The following SAMD5 variants were observed in gnomAD, a reference collection of about 807,000 sequenced individuals.
SAMD5 encodes the protein sterile alpha motif domain containing 5.
In SAMD5, 13 loss-of-function variants were observed where a neutral mutation model predicts 11.3. The ratio of observed to expected loss-of-function variants is 1.15; its 90% CI spans 0.75 to 1.83. The LOEUF (loss-of-function observed/expected upper bound fraction) is 1.83, where lower values mean the gene tolerates loss of function less well. Ranked by LOEUF, SAMD5 falls within the 40% of genes most tolerant of loss-of-function variation. The pLI is 0.00. For synonymous variants in SAMD5, 129 were observed against 111.3 expected (o/e 1.16, Z -1.00); for missense variants, 255 against 239.1 (o/e 1.07, Z -0.44).
chr6:147,645,169 C>T (rs764578856), intron 1 of SAMD5, among the ~76,000 whole-genome samples: 2 of 152,120 alleles, frequency 1.3e-5, no homozygotes, highest in Non-Finnish European at 2.9e-5. Context: ...CACGACAGGA[C>T]ATCTTACTGA....
chr6:147,594,279 T>C (rs1020554099), intron 1 of SAMD5, among the ~76,000 whole-genome samples: 2 of 152,210 alleles, frequency 1.3e-5, no homozygotes, highest in African/African-American at 4.8e-5. Context: ...TCTCGCTCAT[T>C]TGCTTGCTAA....
chr6:147,615,967 G>C (rs6926100), intron 1 of SAMD5, among the ~76,000 whole-genome samples: 13,984 of 151,974 alleles, frequency 0.092, 2,142 homozygotes, highest in African/African-American at 0.32. Context: ...TGGGGAATGA[G>C]GAGTGGGTCA....
intron 1 of SAMD5, among the ~76,000 whole-genome samples, chr6:147,556,168 C>T (rs997228359): frequency 6.6e-6 from 1 of 151,924 alleles, no homozygotes; most frequent in Non-Finnish European, 1.5e-5. Context: ...TCTTGGCTCA[C>T]TGAAAGCTCC....
chr6:147,654,718 A>T (rs1790540237), intron 1 of SAMD5, among the ~76,000 whole-genome samples: 1 of 151,014 alleles, frequency 6.6e-6, no homozygotes, highest in African/African-American at 2.4e-5. Context: ...TTTCTCCATG[A>T]TTCTCAACAG....
chr6:147,633,163 G>A (rs957807940), intron 1 of SAMD5, among the ~76,000 whole-genome samples: 1 of 152,210 alleles, frequency 6.6e-6, no homozygotes, highest in Non-Finnish European at 1.5e-5. Flanking sequence ...TGGCAAAGGC[G>A]TGATGAATTT....
chr6:147,890,603 C>G, the SAMD5 span, among the ~76,000 whole-genome samples: 1 of 152,104 alleles, frequency 6.6e-6, no homozygotes, highest in Non-Finnish European at 1.5e-5. Context: ...AGGTGATCCA[C>G]CCAACTTGGC....
chr6:147,811,769 G>A, the SAMD5 span, among the ~76,000 whole-genome samples: 999 of 152,294 alleles, frequency 6.6e-3, 2 homozygotes, highest in Non-Finnish European at 0.011. Flanking sequence ...TGGAAGGATT[G>A]TGTAGCAGTA....
chr6:147,905,569 ACCTAGAT>A, the SAMD5 span, among the ~76,000 whole-genome samples: 2 of 152,144 alleles, frequency 1.3e-5, no homozygotes, highest in African/African-American at 2.4e-5. Context: ...TAATCTCACC[ACCTAGAT>A]ATAATCACTG....
chr6:147,513,904 AC>A (rs1256946077), intron 1 of SAMD5, among the ~76,000 whole-genome samples: 1 of 152,170 alleles, frequency 6.6e-6, no homozygotes, highest in Non-Finnish European at 1.5e-5. Context: ...GACCTTTGCC[AC>A]AGCAGATTTG....
chr6:147,816,302 AT>A, the SAMD5 span, among the ~76,000 whole-genome samples: 17,832 of 43,174 alleles, frequency 0.41, 3,760 homozygotes, highest in Non-Finnish European at 0.46. Flanking sequence ...AAAAAAAAAA[AT>A]ATATATATAT....
At chr6:147,807,177 G>T in the SAMD5 span, among the ~76,000 whole-genome samples, 1 of 152,136 alleles carries the variant, frequency 6.6e-6, no homozygotes, top group East Asian at 1.9e-4. Context: ...TCGGCTCACT[G>T]CAAGCTCCGC....
chr6:147,818,157 C>T, the SAMD5 span, among the ~76,000 whole-genome samples: 2 of 151,188 alleles, frequency 1.3e-5, no homozygotes, highest in Non-Finnish European at 3.0e-5. Context: ...ACGAACTAAA[C>T]CATTCTGAGC....
At chr6:147,907,600 A>G in the SAMD5 span, among the ~76,000 whole-genome samples, 3 of 152,216 alleles carry the variant, frequency 2.0e-5, no homozygotes, top group Non-Finnish European at 1.5e-5. Context: ...AACAGACCCT[A>G]CAAACAGCAG....
At chr6:147,862,171 G>C in the SAMD5 span, among the ~76,000 whole-genome samples, 3 of 151,846 alleles carry the variant, frequency 2.0e-5, no homozygotes, top group Non-Finnish European at 2.9e-5. Flanking sequence ...TTTTTAAATA[G>C]ATAATTATTT....
chr6:147,758,259 T>C, the SAMD5 span, among the ~76,000 whole-genome samples: 1 of 152,228 alleles, frequency 6.6e-6, no homozygotes, highest in Non-Finnish European at 1.5e-5. Context: ...ATCACTGTCA[T>C]GATCCATACA....
the SAMD5 span, among the ~76,000 whole-genome samples, chr6:147,877,365 G>T: frequency 1.3e-5 from 2 of 152,224 alleles, no homozygotes; most frequent in South Asian, 2.1e-4. Flanking sequence ...TCCAGATTGT[G>T]TACATGATAA....
At chr6:147,915,818 C>A in the SAMD5 span, among the ~76,000 whole-genome samples, 1 of 152,032 alleles carries the variant, frequency 6.6e-6, no homozygotes, top group East Asian at 1.9e-4. Flanking sequence ...TTGTTACATA[C>A]GTATACATGT....
chr6:147,531,538 T>C (rs1788430088), intron 1 of SAMD5, among the ~76,000 whole-genome samples: 1 of 152,154 alleles, frequency 6.6e-6, no homozygotes, highest in African/African-American at 2.4e-5. Context: ...CCAGTGAGTG[T>C]TGCTCTGAAT....
chr6:147,912,095 G>A, the SAMD5 span, among the ~76,000 whole-genome samples: 4 of 152,174 alleles, frequency 2.6e-5, no homozygotes, highest in African/African-American at 7.2e-5. Context: ...GTCAAAGCCA[G>A]TCCAAGACAA....
Sources: allele counts gnomAD v4.1 joint callset (sites outside exome capture counted in the v4.1 genomes callset), GRCh38; gene constraint gnomAD v4.1.1; transcripts MANE v1.5; gene names NCBI Gene and HGNC (gene_info 2026-07-23, HGNC 2026-07-21).